The following GPM6A variants were observed in gnomAD, a reference collection of about 807,000 sequenced individuals.
GPM6A encodes glycoprotein M6A.
GPM6A carries 7 observed loss-of-function variants against 32.1 expected under a neutral mutation model. That is an observed-to-expected ratio of 0.22 (90% confidence interval 0.12 to 0.41). The LOEUF (loss-of-function observed/expected upper bound fraction) is 0.41. GPM6A is among the 10% of genes least tolerant of loss of function. GPM6A has a pLI of 1.00. For missense variants in GPM6A, 235 were observed against 347.2 expected (o/e 0.68, Z 2.57); for synonymous variants, 130 against 123.4 (o/e 1.05, Z -0.35).
intron 3 of GPM6A, among the ~76,000 whole-genome samples, chr4:175,668,542 T>TGTGTGTGTGTGTGTGTGTGTGTGTG (rs1560863089): frequency 2.4e-4 from 37 of 151,610 alleles, no homozygotes; most frequent in East Asian, 7.8e-4. Context: ...TGTGTGTGTG[T>TGTGTGTGTGTGTGTGTGTGTGTGTG]TTATTTTAAA....
At chr4:175,871,893 A>G (rs1488890929) in intron 1 of GPM6A, among the ~76,000 whole-genome samples, 1 of 152,188 alleles carries the variant, frequency 6.6e-6, no homozygotes, top group Non-Finnish European at 1.5e-5. Flanking sequence ...ATTCCCAAGG[A>G]GATCATAGAT....
At chr4:175,956,820 T>G (rs7689812) in intron 1 of GPM6A, among the ~76,000 whole-genome samples, 45,994 of 152,016 alleles carry the variant, frequency 0.3, 10,019 homozygotes, top group African/African-American at 0.61. Flanking sequence ...TTAAATAGAG[T>G]TGGAGAATAA....
intron 1 of GPM6A, among the ~76,000 whole-genome samples, chr4:175,835,234 A>G (rs996989809): frequency 6.6e-6 from 1 of 152,230 alleles, no homozygotes; most frequent in Non-Finnish European, 1.5e-5. Flanking sequence ...CACTAAGACT[A>G]ATCTAAATGA....
chr4:175,830,525 C>A (rs1735577326), intron 1 of GPM6A, among the ~76,000 whole-genome samples: 1 of 152,086 alleles, frequency 6.6e-6, no homozygotes, highest in Non-Finnish European at 1.5e-5. Context: ...ATTAGGTGGT[C>A]ACTAATATTA....
chr4:175,978,041 A>C (rs1740712402), intron 1 of GPM6A, among the ~76,000 whole-genome samples: 1 of 152,218 alleles, frequency 6.6e-6, no homozygotes, highest in Non-Finnish European at 1.5e-5. Context: ...TTTTTTCAAG[A>C]TGCTAAACAA....
At chr4:175,646,939 C>T (rs1210324381) in intron 4 of GPM6A, among the ~76,000 whole-genome samples, 2 of 152,168 alleles carry the variant, frequency 1.3e-5, no homozygotes, top group African/African-American at 4.8e-5. Flanking sequence ...CCATCCACCT[C>T]GGCTGCAGTG....
At chr4:175,705,675 G>T (rs913462067) in intron 1 of GPM6A, among the ~76,000 whole-genome samples, 5 of 152,046 alleles carry the variant, frequency 3.3e-5, no homozygotes, top group African/African-American at 1.2e-4. Context: ...CCCCGGATAG[G>T]TTCCCAACAA....
At chr4:175,919,087 C>T (rs1469054586) in intron 1 of GPM6A, among the ~76,000 whole-genome samples, 4 of 152,056 alleles carry the variant, frequency 2.6e-5, no homozygotes, top group Non-Finnish European at 4.4e-5. Context: ...ATAGGGTATC[C>T]TTTCAGCACA....
intron 1 of GPM6A, among the ~76,000 whole-genome samples, chr4:175,873,324 A>G (rs531313082): frequency 1.3e-5 from 2 of 152,274 alleles, no homozygotes; most frequent in South Asian, 2.1e-4. Flanking sequence ...GCCTTGTGAA[A>G]AAAAAACACT....
intron 2 of GPM6A, among the ~76,000 whole-genome samples, chr4:175,693,522 A>C (rs1425865188): frequency 6.6e-6 from 1 of 152,012 alleles, no homozygotes; most frequent in East Asian, 1.9e-4. Context: ...TCCTTCCCTA[A>C]ACACTTTAAT....
chr4:175,670,203 A>T (rs1400653715), intron 3 of GPM6A, among the ~76,000 whole-genome samples: 1 of 152,198 alleles, frequency 6.6e-6, no homozygotes, highest in East Asian at 1.9e-4. Context: ...TGGAAAATAC[A>T]TTTATTGAAA....
At chr4:175,717,699 T>C (rs1019864213) in intron 1 of GPM6A, among the ~76,000 whole-genome samples, 2 of 152,182 alleles carry the variant, frequency 1.3e-5, no homozygotes, top group Non-Finnish European at 1.5e-5. Context: ...TAGGAAAAAG[T>C]TGGAATATGC....
chr4:175,885,379 G>C (rs911346463), intron 1 of GPM6A, among the ~76,000 whole-genome samples: 2 of 152,246 alleles, frequency 1.3e-5, no homozygotes, highest in Non-Finnish European at 2.9e-5. Context: ...GGGCTGGGAT[G>C]TCTATGAGGG....
At chr4:175,932,442 C>T (rs986479965) in intron 1 of GPM6A, among the ~76,000 whole-genome samples, 7 of 152,188 alleles carry the variant, frequency 4.6e-5, no homozygotes, top group Non-Finnish European at 8.8e-5. Context: ...AACCTGTGAG[C>T]GCCTTGATCT....
chr4:175,849,786 TAG>T (rs1163209482), intron 1 of GPM6A, among the ~76,000 whole-genome samples: 1 of 152,152 alleles, frequency 6.6e-6, no homozygotes, highest in Admixed American at 6.6e-5. Context: ...TAGTAAAACA[TAG>T]AGTGTTAAAT....
chr4:175,648,305 C>T (rs1285140475), intron 4 of GPM6A, among the ~76,000 whole-genome samples: 1 of 151,974 alleles, frequency 6.6e-6, no homozygotes, highest in Non-Finnish European at 1.5e-5. Flanking sequence ...AAATAGCCTC[C>T]CATAGATGTT....
intron 1 of GPM6A, among the ~76,000 whole-genome samples, chr4:175,983,214 A>G (rs1740869555): frequency 6.6e-6 from 1 of 152,206 alleles, no homozygotes; most frequent in Non-Finnish European, 1.5e-5. Flanking sequence ...CAACTCTTCA[A>G]GTGGCTGTGA....
chr4:175,649,655 C>A (rs968810914), intron 4 of GPM6A, among the ~76,000 whole-genome samples: 64 of 152,164 alleles, frequency 4.2e-4, no homozygotes, highest in Non-Finnish European at 1.6e-4. Context: ...GAGAATCCGA[C>A]CCTCATGTTT....
chr4:175,938,186 A>G (rs1739297785), intron 1 of GPM6A, among the ~76,000 whole-genome samples: 1 of 152,212 alleles, frequency 6.6e-6, no homozygotes, highest in South Asian at 2.1e-4. Context: ...GTGACTATAC[A>G]TAGCAATAAT....
Sources: gnomAD v4.1 joint callset for allele counts (sites outside exome capture counted in the v4.1 genomes callset) on GRCh38, gnomAD v4.1.1 for gene constraint, MANE v1.5 for transcripts, NCBI Gene and HGNC (gene_info 2026-07-23, HGNC 2026-07-21) for gene names.